The following EDA variants were observed in gnomAD, a reference collection of about 807,000 sequenced individuals.
The protein encoded by EDA is ectodysplasin-A.
A neutral mutation model predicts 23.6 loss-of-function variants in EDA; 2 were observed. The observed-to-expected ratio is 0.08, with a 90% CI of 0.03 to 0.27. The LOEUF is 0.27. EDA is among the 10% of genes least tolerant of loss of function. The pLI is 1.00. For missense variants in EDA, 229 were observed against 324.2 expected (o/e 0.71, Z 2.26); for synonymous variants, 131 against 132.0 (o/e 0.99, Z 0.05).
chrX:69,620,744 T>G (rs2147204233), intron 1 of EDA: 2 of 272,761 alleles, frequency 7.3e-6, no homozygotes, highest in South Asian at 7.4e-5. Flanking sequence ...TTAGAGCTCC[T>G]TAGAAATCTG....
chrX:69,672,915 GA>G (rs1933953306), intron 1 of EDA, among the ~76,000 whole-genome samples: 2 of 109,131 alleles, frequency 1.8e-5, no homozygotes, highest in Middle Eastern at 9.6e-3. Flanking sequence ...AAGTGAAAAA[GA>G]AAACCACAGC....
chrX:69,869,142 A>C (rs978563672), intron 1 of EDA, among the ~76,000 whole-genome samples: 1 of 111,657 alleles, frequency 9.0e-6, no homozygotes, highest in Admixed American at 9.5e-5. Flanking sequence ...TCACCTTACT[A>C]GTCAGGGAGC....
chrX:69,880,249 C>T (rs2017723670), intron 1 of EDA, among the ~76,000 whole-genome samples: 1 of 111,388 alleles, frequency 9.0e-6, no homozygotes, highest in Admixed American at 9.5e-5. Flanking sequence ...TTTCATTCAC[C>T]TTTTCAGCTA....
intron 1 of EDA, among the ~76,000 whole-genome samples, chrX:69,661,492 A>C (rs1298312832): frequency 9.0e-6 from 1 of 110,782 alleles, no homozygotes; most frequent in Non-Finnish European, 1.9e-5. Context: ...CTAAGATTTG[A>C]GTCTTTAATC....
intron 1 of EDA, among the ~76,000 whole-genome samples, chrX:69,674,887 C>A (rs146504897): frequency 8.9e-6 from 1 of 112,193 alleles, no homozygotes; most frequent in East Asian, 2.8e-4. Context: ...TATTTTGGTT[C>A]TCTTGTTGCC....
At position 69,793,570 on chromosome X, in the gene EDA, G is replaced by GTTTTTTT. The variant is rs67241807; in HGVS notation, c.397-163444_397-163438dup. Among the ~76,000 whole-genome samples the GTTTTTTT allele has an allele frequency of 4.1e-4, 24 of 58,752 alleles. 2 individuals are homozygous for GTTTTTTT. The highest frequency in any genetic ancestry group is 7.0e-4 in the Admixed American group (3 of 4,304). 51.0% of individuals were successfully genotyped at this position (58,752 alleles called of 115,157 possible). On this transcript the variant is annotated intron_variant, in intron 1 of 7. Coordinates refer to ENST00000374552, the MANE Select transcript of EDA (RefSeq NM_001399.5). ...GCTTTTTGTTTGTTTGTTTGTTTTTGTTTTTTTTTTTTTTTTTTTGCTCCC... is the reference window on the plus strand; with the variant it reads ...GCTTTTTGTTTGTTTGTTTGTTTTTGTTTTTTTTTTTTTTTTTTTTTTTTTTGCTCCC...
At chrX:69,827,665 G>A (rs932220081) in intron 1 of EDA, among the ~76,000 whole-genome samples, 2 of 111,912 alleles carry the variant, frequency 1.8e-5, no homozygotes, top group African/African-American at 6.5e-5. Flanking sequence ...GTAGCTTGGA[G>A]TAATTTGATC....
chrX:69,759,900 A>C (rs1028337636), intron 1 of EDA, among the ~76,000 whole-genome samples: 1 of 110,124 alleles, frequency 9.1e-6, no homozygotes, highest in Non-Finnish European at 1.9e-5. Context: ...TGACATTGGC[A>C]TGGTACAGCG....
chrX:69,692,363 C>G (rs772965075), intron 1 of EDA, among the ~76,000 whole-genome samples: 2 of 111,405 alleles, frequency 1.8e-5, no homozygotes, highest in Admixed American at 9.6e-5. Flanking sequence ...AAAGCATCTC[C>G]CAGGGATGTC....
intron 1 of EDA, among the ~76,000 whole-genome samples, chrX:69,726,633 G>T (rs1052570195): frequency 3.6e-5 from 4 of 112,512 alleles, no homozygotes; most frequent in African/African-American, 1.3e-4. Context: ...AGATTGGGTG[G>T]CTTAAACAAT....
chrX:69,881,435 T>C (rs1045584354), intron 1 of EDA, among the ~76,000 whole-genome samples: 1 of 111,517 alleles, frequency 9.0e-6, no homozygotes, highest in Non-Finnish European at 1.9e-5. Context: ...GATTCTGTTG[T>C]CATCTTTCTT....
At chrX:69,738,249 T>G (rs2013335091) in intron 1 of EDA, among the ~76,000 whole-genome samples, 1 of 110,637 alleles carries the variant, frequency 9.0e-6, no homozygotes, top group Non-Finnish European at 1.9e-5. Flanking sequence ...TGTTGCTTAG[T>G]CTTTAAGTTT....
In EDA at chrX:69,747,143, A is replaced by G. The variant is rs773295733; in HGVS notation, c.396+130439A>G. Among the ~76,000 whole-genome samples, 3 of 111,884 alleles carry G rather than the reference A, an allele frequency of 2.7e-5. No homozygotes were observed. The South Asian group carries it at 1.1e-3, about 42-fold the overall frequency. On this transcript the variant is annotated intron_variant, in intron 1 of 7. Coordinates refer to ENST00000374552, the MANE Select transcript of EDA (RefSeq NM_001399.5). ...ATTGCTAAGAAAATATCAGATGGTA[A>G]TAAACAAGAAGAAAGAAATAAACAG...
At chrX:69,972,986 A>G (rs1199460523) in intron 2 of EDA, among the ~76,000 whole-genome samples, 3 of 111,650 alleles carry the variant, frequency 2.7e-5, no homozygotes, top group Non-Finnish European at 5.6e-5. Context: ...AATTAGCTAT[A>G]ACTAACTAAG....
At chrX:70,004,580 A>G (rs1233070670) in intron 2 of EDA, among the ~76,000 whole-genome samples, 1 of 112,157 alleles carries the variant, frequency 8.9e-6, no homozygotes, top group Admixed American at 9.5e-5. Context: ...TTACAATTCT[A>G]ATAGTGTGAG....
At chrX:69,821,852 T>A (rs151310502) in intron 1 of EDA, among the ~76,000 whole-genome samples, 8,457 of 112,051 alleles carry the variant, frequency 0.075, 254 homozygotes, top group Middle Eastern at 0.088. Flanking sequence ...ATCTTAGGCA[T>A]TTGAAATGTA....
intron 1 of EDA, among the ~76,000 whole-genome samples, chrX:69,824,590 G>C (rs1401659169): frequency 9.4e-6 from 1 of 105,846 alleles, no homozygotes; most frequent in African/African-American, 3.5e-5. Context: ...AGCTTAAGGA[G>C]ATTTTGGGCT....
intron 1 of EDA, among the ~76,000 whole-genome samples, chrX:69,853,951 G>A (rs753503934): frequency 5.4e-5 from 6 of 111,285 alleles, no homozygotes; most frequent in Admixed American, 4.8e-4. Context: ...GGCCAGATTT[G>A]GCCTATAGGT....
chrX:69,954,369 G>A (rs912997379), intron 1 of EDA, among the ~76,000 whole-genome samples: 32 of 111,124 alleles, frequency 2.9e-4, no homozygotes, highest in Admixed American at 7.7e-4. Context: ...CCTCCAAGAC[G>A]ACTTGTTCAC....
Sources: gnomAD v4.1 joint callset for allele counts (sites outside exome capture counted in the v4.1 genomes callset) on GRCh38, gnomAD v4.1.1 for gene constraint, MANE v1.5 for transcripts, NCBI Gene and HGNC (gene_info 2026-07-23, HGNC 2026-07-21) for gene names.